CAMTA1: variants seen among roughly 807,000 people sequenced by gnomAD.
CAMTA1 encodes calmodulin-binding transcription activator 1.
A neutral mutation model predicts 170.9 loss-of-function variants in CAMTA1; 27 were observed. The observed-to-expected ratio is 0.16, with a 90% confidence interval of 0.12 to 0.22. The LOEUF (loss-of-function observed/expected upper bound fraction) is 0.22. Ranked by LOEUF, CAMTA1 falls within the 10% of genes least tolerant of loss-of-function variation. The pLI, the probability that CAMTA1 is intolerant of heterozygous loss-of-function variation, is 1.00. For missense variants in CAMTA1, 1,619 were observed against 2,217.2 expected, an observed-to-expected ratio of 0.73 and a Z score of 5.42; for synonymous variants, 833 against 891.5, an observed-to-expected ratio of 0.93 and a Z score of 1.17.
chr1:7,126,977 G>A (rs1342130126), intron 4 of CAMTA1, among the ~76,000 whole-genome samples: 2 of 152,202 alleles, frequency 1.3e-5, no homozygotes, highest in Non-Finnish European at 2.9e-5. Flanking sequence ...CACTGTGTTA[G>A]CCAGGATGGT....
At chr1:7,066,332 C>A (rs1708957143) in intron 3 of CAMTA1, among the ~76,000 whole-genome samples, 1 of 152,194 alleles carries the variant, frequency 6.6e-6, no homozygotes, top group Middle Eastern at 3.2e-3. Context: ...GCTGGCTATG[C>A]ACCACCCCGG....
intron 3 of CAMTA1, among the ~76,000 whole-genome samples, chr1:6,907,293 C>T (rs937220393): frequency 2.6e-5 from 4 of 152,262 alleles, no homozygotes; most frequent in African/African-American, 7.2e-5. Context: ...GACATAGTCC[C>T]TGACCTCTAG....
intron 1 of CAMTA1, among the ~76,000 whole-genome samples, 197 bp from the exon 2 acceptor site, chr1:6,819,984 T>G (rs368347465): frequency 2.6e-5 from 4 of 152,208 alleles, no homozygotes; most frequent in African/African-American, 9.7e-5. Flanking sequence ...GAGTTTTCAG[T>G]CCTTTTAGAC....
chr1:7,736,974 C>T lies in CAMTA1; in HGVS notation c.3307C>T (p.Pro1103Ser), dbSNP rs1407055330. The T allele has an allele frequency of 1.2e-6, 2 of 1,613,398 alleles. No homozygotes were observed. Among genetic ancestry groups the T allele is most frequent in the Non-Finnish European group, 1.7e-6 (2 of 1,179,722 alleles). Residue 1103 changes from proline (P) to serine (S), a missense_variant, in exon 14 of 23, where the codon CCC (proline) becomes TCC (serine). Coordinates refer to ENST00000303635, the MANE Select transcript of CAMTA1 (RefSeq NM_015215.4). This position sits in a 1 kb window ranked among gnomAD's most constrained non-coding sequence, Gnocchi z 4.5. ...CATTGACCTGGAACTGGAAGTTGAC[C>T]CCTTGAATGTGGACCACTTCTCCTG... ...DSIDLELEVD[P>S]LNVDHFSCTP...
At chr1:7,391,964 A>T (rs2088765956) in intron 5 of CAMTA1, among the ~76,000 whole-genome samples, 2 of 152,216 alleles carry the variant, frequency 1.3e-5, no homozygotes, top group Non-Finnish European at 2.9e-5. Context: ...AGGACTCTAC[A>T]CATTTGCATA....
intron 16 of CAMTA1, among the ~76,000 whole-genome samples, chr1:7,743,591 T>C (rs969841949): frequency 6.6e-6 from 1 of 152,172 alleles, no homozygotes; most frequent in African/African-American, 2.4e-5. Context: ...CCACTGCGGC[T>C]GTTTCCACTT....
intron 1 of CAMTA1, among the ~76,000 whole-genome samples, chr1:6,790,057 G>A (rs909045889): frequency 6.6e-6 from 1 of 151,348 alleles, no homozygotes; most frequent in Admixed American, 6.6e-5. Context: ...AAAGTGATCC[G>A]CCTACCTCAG....
Position 6,887,782 on chromosome 1 carries a change from C to T in CAMTA1, c.234+62572C>T. The T allele has an allele frequency of 1.3e-6, 2 of 1,531,740 alleles. No homozygotes were observed. The highest frequency in any genetic ancestry group is 2.4e-5 in the South Asian group (2 of 83,476). The allele number at this position is 1,531,740 out of a possible 1,614,324, so 94.9% of individuals were successfully genotyped here. The stretch of plus-strand genomic sequence containing the variant: ...GGGAGAGCTTTCCCATCCTGCCAGC[C>T]CCATGTCTGGCTTTAAGACAGTTCT... On this transcript the variant is annotated intron_variant, in intron 3 of 22. Coordinates refer to ENST00000303635, the MANE Select transcript of CAMTA1 (RefSeq NM_015215.4). The surrounding 1 kb of genome is among the most constrained non-coding windows in gnomAD (Gnocchi z 4.1).
In CAMTA1 at chr1:7,649,805, G is replaced by A. The variant is rs527349894; in HGVS notation, c.664+9252G>A. Among the ~76,000 whole-genome samples the A allele has an allele frequency of 1.1e-3, 169 of 152,292 alleles. 2 individuals are homozygous for A. Among genetic ancestry groups the A allele is most frequent in the African/African-American group, 4.0e-3 (167 of 41,570 alleles). On this transcript the variant is annotated intron_variant, in intron 7 of 22. Coordinates refer to ENST00000303635, the MANE Select transcript of CAMTA1 (RefSeq NM_015215.4). ...GAGTGCGCCCCTGTGCTGGTGTTGG[G>A]GATACAGGACCCCACCGACGTCCTG...
chr1:7,663,404 T>A lies in CAMTA1; in HGVS notation c.857T>A (p.Ile286Asn). ...HKCNSAKHRI[I>N]SPKVEPRTGG... ...TGTAACAGCGCCAAACACCGCATCA[T>A]CTCGCCCAAGGTGGAGCCACGGACA... The change falls in exon 9 of 23, where the codon ATC (isoleucine) becomes AAC (asparagine). Residue 286 changes from isoleucine to asparagine, a missense_variant. This residue lies in a region of CAMTA1 where 731 missense variants were observed against 907.6 expected (regional missense o/e 0.81). Transcript: ENST00000303635. The A allele has an allele frequency of 1.3e-6, 2 of 1,547,082 alleles. No homozygotes were observed. Among genetic ancestry groups the A allele is most frequent in the East Asian group, 2.3e-5 (1 of 44,094 alleles).
At chr1:7,740,946 CACTT>C (rs1343714549) in intron 16 of CAMTA1, among the ~76,000 whole-genome samples, 4 of 152,056 alleles carry the variant, frequency 2.6e-5, no homozygotes, top group African/African-American at 9.7e-5. Context: ...GAGAAGATAA[CACTT>C]AAAAATAATG....
At chr1:7,013,209 C>CTTCTTTT (rs1304575208) in intron 3 of CAMTA1, among the ~76,000 whole-genome samples, 1 of 84,206 alleles carries the variant, frequency 1.2e-5, no homozygotes, top group African/African-American at 5.3e-5. Context: ...TGCCCTTCTT[C>CTTCTTTT]TTTTTTTTTT....
chr1:7,428,874 G>A (rs2092009823), intron 5 of CAMTA1, among the ~76,000 whole-genome samples: 1 of 152,220 alleles, frequency 6.6e-6, no homozygotes, highest in Admixed American at 6.5e-5. Flanking sequence ...TGGCACCACT[G>A]TAAGGGCTCA....
At chr1:7,539,123 C>A (rs2094580470) in intron 6 of CAMTA1, among the ~76,000 whole-genome samples, 1 of 152,226 alleles carries the variant, frequency 6.6e-6, no homozygotes, top group Non-Finnish European at 1.5e-5. Context: ...CATATTTGAA[C>A]CCACATATAG....
At chr1:7,273,011 G>A (rs1670075478) in intron 5 of CAMTA1, among the ~76,000 whole-genome samples, 1 of 152,126 alleles carries the variant, frequency 6.6e-6, no homozygotes, top group Non-Finnish European at 1.5e-5. Context: ...ATATTTAACA[G>A]CATCATTAAT....
At chr1:7,591,672 T>C (rs982444027) in intron 6 of CAMTA1, among the ~76,000 whole-genome samples, 13 of 152,150 alleles carry the variant, frequency 8.5e-5, no homozygotes, top group African/African-American at 3.1e-4. Flanking sequence ...AAATCCAAGT[T>C]ACCACTCTGG....
intron 5 of CAMTA1, among the ~76,000 whole-genome samples, chr1:7,311,964 T>C (rs1557494198): frequency 6.6e-6 from 1 of 152,174 alleles, no homozygotes; most frequent in Non-Finnish European, 1.5e-5. Context: ...ATATGCTGCT[T>C]GAGGTTGAGC....
At chr1:7,660,879 CT>C (rs2095950262) in intron 7 of CAMTA1, among the ~76,000 whole-genome samples, 1 of 152,248 alleles carries the variant, frequency 6.6e-6, no homozygotes, top group Non-Finnish European at 1.5e-5. Flanking sequence ...AGCTGGATTG[CT>C]CCATGTGCCG....
intron 3 of CAMTA1, among the ~76,000 whole-genome samples, chr1:6,951,012 G>A (rs555693483): frequency 1.1e-4 from 16 of 152,314 alleles, no homozygotes; most frequent in Admixed American, 4.6e-4. Flanking sequence ...GTGGAAGGAG[G>A]AGGCTGCACA....
Sources: gnomAD v4.1 joint callset for allele counts (sites outside exome capture counted in the v4.1 genomes callset) on GRCh38, gnomAD v4.1.1 for gene constraint, gnomAD v4.1.1 regional missense constraint, Gnocchi (gnomAD v3.1) non-coding constraint, MANE v1.5 for transcripts, NCBI Gene and HGNC (gene_info 2026-07-23, HGNC 2026-07-21) for gene names.